Variants in PAG1 observed in about 807,000 individuals in gnomAD.
PAG1 encodes phosphoprotein associated with glycosphingolipid-enriched microdomains 1.
A neutral mutation model predicts 31.7 loss-of-function variants in PAG1; 23 were observed. That is an observed-to-expected ratio of 0.73 (90% CI 0.52 to 1.03). The LOEUF is 1.03. PAG1 is among the 50% of genes least tolerant of loss of function. PAG1 has a pLI of 0.00. For synonymous variants in PAG1, 214 were observed against 210.3 expected (o/e 1.02, Z -0.15); for missense variants, 473 against 540.7 (o/e 0.87, Z 1.24).
intron 3 of PAG1, among the ~76,000 whole-genome samples, chr8:80,998,398 G>A (rs1807724389): frequency 6.6e-6 from 1 of 152,002 alleles, no homozygotes; most frequent in African/African-American, 2.4e-5. Context: ...AAAGTGCTGG[G>A]ATTACAGGCG....
chr8:81,062,606 T>C (rs1023876406), intron 2 of PAG1, among the ~76,000 whole-genome samples: 1 of 152,234 alleles, frequency 6.6e-6, no homozygotes, highest in Non-Finnish European at 1.5e-5. Context: ...GAAAAAAAAT[T>C]ATTTATTTAA....
chr8:81,086,185 G>T (rs1468156438), intron 1 of PAG1, among the ~76,000 whole-genome samples: 6 of 151,292 alleles, frequency 4.0e-5, no homozygotes, highest in Non-Finnish European at 2.9e-5. Flanking sequence ...GTTTCACCAT[G>T]TTAGCCAGGA....
At chr8:81,069,258 A>C (rs896701951) in intron 2 of PAG1, among the ~76,000 whole-genome samples, 4 of 152,250 alleles carry the variant, frequency 2.6e-5, no homozygotes, top group African/African-American at 9.6e-5. Flanking sequence ...GATTTAATTA[A>C]AAGACAGTGG....
chr8:81,006,647 C>T (rs7830556), intron 3 of PAG1, among the ~76,000 whole-genome samples: 93,332 of 151,510 alleles, frequency 0.62, 29,403 homozygotes, highest in Admixed American at 0.69. Context: ...TAAAATCACA[C>T]TGTCTTCCTC....
At chr8:81,043,172 A>T (rs1012253928) in intron 2 of PAG1, among the ~76,000 whole-genome samples, 1 of 151,812 alleles carries the variant, frequency 6.6e-6, no homozygotes, top group Non-Finnish European at 1.5e-5. Flanking sequence ...CCCACTGTTC[A>T]CCACATTCGC....
intron 2 of PAG1, among the ~76,000 whole-genome samples, chr8:81,036,043 G>A (rs1010001247): frequency 1.1e-4 from 17 of 152,098 alleles, no homozygotes; most frequent in African/African-American, 3.4e-4. Flanking sequence ...CAATTTAACT[G>A]GGGGAGCAGG....
intron 2 of PAG1, among the ~76,000 whole-genome samples, chr8:81,046,289 C>T (rs932934565): frequency 6.6e-6 from 1 of 152,164 alleles, no homozygotes; most frequent in South Asian, 2.1e-4. Flanking sequence ...GTTTAGCAAG[C>T]CTTCTGAATA....
chr8:81,047,243 C>T (rs149467121), intron 2 of PAG1, among the ~76,000 whole-genome samples: 1 of 152,122 alleles, frequency 6.6e-6, no homozygotes. Flanking sequence ...TGTATTTCTG[C>T]CTCTAGGTCT....
At chr8:81,088,581 C>G (rs1280372481) in intron 1 of PAG1, among the ~76,000 whole-genome samples, 1 of 152,068 alleles carries the variant, frequency 6.6e-6, no homozygotes, top group African/African-American at 2.4e-5. Flanking sequence ...TTGGTGTAAT[C>G]AGAGAGAGCT....
intron 1 of PAG1, among the ~76,000 whole-genome samples, chr8:81,072,076 C>A (rs1809102277): frequency 6.6e-6 from 1 of 152,218 alleles, no homozygotes; most frequent in South Asian, 2.1e-4. Context: ...CTACACTCAC[C>A]AGCGTAGGTG....
intron 2 of PAG1, among the ~76,000 whole-genome samples, chr8:81,061,730 A>G (rs774941433): frequency 6.6e-6 from 1 of 152,242 alleles, no homozygotes; most frequent in Non-Finnish European, 1.5e-5. Context: ...GACTAGCACC[A>G]AAGTACCAGA....
At chr8:81,106,434 C>T (rs1809694445) in intron 1 of PAG1, among the ~76,000 whole-genome samples, 2 of 152,058 alleles carry the variant, frequency 1.3e-5, no homozygotes, top group African/African-American at 4.8e-5. Context: ...AGGAGCTCTG[C>T]ATTTTTAGCA....
intron 3 of PAG1, among the ~76,000 whole-genome samples, chr8:81,009,751 T>C (rs1807947512): frequency 6.6e-6 from 1 of 152,182 alleles, no homozygotes; most frequent in African/African-American, 2.4e-5. Flanking sequence ...TAACTAGGAC[T>C]ACAGGCATGT....
intron 3 of PAG1, among the ~76,000 whole-genome samples, chr8:81,027,092 C>T (rs1188375177): frequency 6.6e-6 from 1 of 151,976 alleles, no homozygotes; most frequent in Non-Finnish European, 1.5e-5. Context: ...CTCACTGCAG[C>T]CTCTGCCTCC....
intron 2 of PAG1, among the ~76,000 whole-genome samples, chr8:81,049,031 G>A (rs752725794): frequency 1.4e-4 from 21 of 152,166 alleles, no homozygotes; most frequent in Non-Finnish European, 1.9e-4. Context: ...TCACTTAGAA[G>A]TGCTAGCATA....
chr8:81,056,398 C>A (rs1026501967), intron 2 of PAG1, among the ~76,000 whole-genome samples: 4 of 151,952 alleles, frequency 2.6e-5, no homozygotes, highest in East Asian at 1.9e-4. Flanking sequence ...CAGAACGGAG[C>A]CCTCAGAAAT....
At chr8:81,111,268 C>T (rs1354282567) in intron 1 of PAG1, among the ~76,000 whole-genome samples, 1 of 152,158 alleles carries the variant, frequency 6.6e-6, no homozygotes, top group Non-Finnish European at 1.5e-5. Context: ...GTGACAAGAC[C>T]CTGCCCAGCC....
At chr8:81,054,000 T>C (rs1808774386) in intron 2 of PAG1, among the ~76,000 whole-genome samples, 1 of 152,098 alleles carries the variant, frequency 6.6e-6, no homozygotes, top group Non-Finnish European at 1.5e-5. Flanking sequence ...CAACAGTAGC[T>C]AAAGGACGAG....
chr8:81,062,747 T>C (rs900547538), intron 2 of PAG1, among the ~76,000 whole-genome samples: 3 of 152,100 alleles, frequency 2.0e-5, no homozygotes, highest in African/African-American at 4.8e-5. Flanking sequence ...CTGGAGTACA[T>C]AGTTCACTGC....
Sources: allele counts gnomAD v4.1 joint callset (sites outside exome capture counted in the v4.1 genomes callset), GRCh38; gene constraint gnomAD v4.1.1; transcripts MANE v1.5; gene names NCBI Gene and HGNC (gene_info 2026-07-23, HGNC 2026-07-21).